Variants in SETD6 observed in about 807,000 individuals in gnomAD.
The protein encoded by SETD6 is N-lysine methyltransferase SETD6.
Under a neutral mutation model 52.7 loss-of-function variants are expected in SETD6, and 67 were observed. The observed-to-expected ratio is 1.27, with a 90% CI of 1.04 to 1.56. The LOEUF is 1.56. Ranked by LOEUF, SETD6 falls within the 40% of genes most tolerant of loss-of-function variation. SETD6 has a pLI of 0.00. For synonymous variants in SETD6, 307 were observed against 250.2 expected, an observed-to-expected ratio of 1.23 and a Z score of -2.14; for missense variants, 712 against 607.5, an observed-to-expected ratio of 1.17 and a Z score of -1.81.
rs937545760 is a variant in SETD6 at position 58,521,942 on chromosome 16, C to A, written c.*2913C>A. 2.6e-5 allele frequency among the ~76,000 whole-genome samples: 4 copies of A among 152,102 alleles called. No individual in the cohort carries two copies. Among genetic ancestry groups the A allele is most frequent in the Admixed American group, 2.6e-4 (4 of 15,288 alleles). On this transcript the variant is annotated 3_prime_UTR_variant, in exon 8 of 8. Transcript: ENST00000219315. ...CTCCAGCCTGGGAGACAGAGTGAGA[C>A]CCTGTCTCAAATAAACAGATAAATT...
chr16:58,516,640 C>G lies in SETD6; in HGVS notation c.639C>G (p.Tyr213Ter). The change falls in exon 4 of 8, where the codon TAC becomes TAG. Residue 213 changes from tyrosine (Y) to a stop codon, truncating the protein, a stop_gained. Coordinates refer to ENST00000219315, the MANE Select transcript of SETD6 (RefSeq NM_001160305.4). LOFTEE classifies it high-confidence loss of function. The stretch of plus-strand genomic sequence containing the variant: ...TCAGGGTTCGCTCCCTAGAACTCTA[C>G]CACCAGCTGGTGGCCCTTGTGATGG... ...FSLRVRSLEL[Y>*]HQLVALVMAY... 1 of 1,614,054 alleles carries G rather than the reference C, an allele frequency of 6.2e-7. No individual in the cohort carries two copies. The highest frequency in any genetic ancestry group is 2.2e-5 in the East Asian group (1 of 44,878).
Position 58,515,801 on chromosome 16 carries a change from C to G in SETD6, c.38C>G (p.Pro13Arg). ...TQAKRPRVAG[P>R]VDGGDLDPVA... ...GCGCACTTATCTCAGGTGGCGGGGC[C>G]CGTGGACGGCGGCGACCTGGATCCT... Residue 13 changes from proline to arginine, a missense_variant, in exon 2 of 8, where the codon CCC (proline) becomes CGC (arginine). Pro to Arg is a moderately radical substitution (Grantham distance 103). Transcript: ENST00000219315. 6.6e-7 allele frequency: 1 copy of G among 1,515,886 alleles called. No homozygotes were observed. The highest frequency in any genetic ancestry group is 1.3e-5 in the South Asian group (1 of 78,646). The allele number at this position is 1,515,886 out of a possible 1,614,324, so 93.9% of individuals were successfully genotyped here.
At position 58,516,908 on chromosome 16, in the gene SETD6, G is replaced by A; in HGVS notation, c.772G>A (p.Ala258Thr). The A allele has an allele frequency of 1.2e-6, 2 of 1,614,166 alleles. No homozygotes were observed. The highest frequency in any genetic ancestry group is 8.5e-7 in the Non-Finnish European group (1 of 1,180,028). ...DILNHLANHNANLEYSANCLR... is the reference protein window; with the variant it reads ...DILNHLANHNTNLEYSANCLR... Reference sequence around the variant, plus strand: ...ACTAAACCACTTAGCCAATCACAACGCCAATCTAGAATACTCTGCGGTGAG... The same window carrying A: ...ACTAAACCACTTAGCCAATCACAACACCAATCTAGAATACTCTGCGGTGAG... Residue 258 changes from alanine (A) to threonine (T), a missense_variant, in exon 5 of 8, where the codon GCC (alanine) becomes ACC (threonine). Transcript: ENST00000219315.
Position 58,523,622 on chromosome 16 carries a change from G to T in SETD6, c.*4593G>T. 1.1e-6 allele frequency: 1 copy of T among 880,948 alleles called. No homozygotes were observed. The highest frequency in any genetic ancestry group is 1.7e-6 in the Non-Finnish European group (1 of 586,800). 54.6% of individuals were successfully genotyped at this position (880,948 alleles called of 1,614,324 possible). A position where few individuals can be genotyped will look rare whatever the true frequency, so the allele number is the denominator to read the frequency against. ...CTTTCAAATTAATCTTTGGTTTAAA[G>T]CAGTGGTTCTTGGGACCCCAAAGAG... On this transcript the variant is annotated 3_prime_UTR_variant, in exon 8 of 8. Transcript: ENST00000219315.
Position 58,518,807 on chromosome 16 carries a change from G to C in SETD6, c.1200G>C (p.Leu400=). The C allele has an allele frequency of 2.5e-6, 4 of 1,614,182 alleles. No individual in the cohort carries two copies. The highest frequency in any genetic ancestry group is 3.4e-6 in the Non-Finnish European group (4 of 1,180,036). Residue 400 remains leucine (L), a synonymous_variant, in exon 8 of 8, where the codon CTG becomes CTC. Coordinates refer to ENST00000219315, the MANE Select transcript of SETD6 (RefSeq NM_001160305.4). Reference sequence around the variant, plus strand: ...ATGATAAAAGGGAAGAGGGCAGCCTGACGATCACAAATATTCCCAAGCTCA... The same window carrying C: ...ATGATAAAAGGGAAGAGGGCAGCCTCACGATCACAAATATTCCCAAGCTCA... ...GGDDKREEGS[L]TITNIPKLKA...
rs919104192 is a variant in SETD6 at position 58,522,394 on chromosome 16, A to G, written c.*3365A>G. 1.3e-5 allele frequency among the ~76,000 whole-genome samples: 2 copies of G among 152,222 alleles called. No homozygotes were observed. Among genetic ancestry groups the G allele is most frequent in the African/African-American group, 4.8e-5 (2 of 41,450 alleles). ...CATAACAAAGATTACAAGTCCAAGG[A>G]GACTTACTGCAGCTTTATATAAACA... On this transcript the variant is annotated 3_prime_UTR_variant, in exon 8 of 8. Transcript: ENST00000219315.
At chr16:58,516,151 GGCCCGGCCC>G in intron 2 of SETD6, 42 bp from the exon 3 acceptor site, 1 of 1,312,414 alleles carries the variant, frequency 7.6e-7, no homozygotes, top group Non-Finnish European at 9.7e-7. Flanking sequence ...GGGCGGGGCG[GGCCCGGCCC>G]GCGAGGCCGC....
Position 58,521,317 on chromosome 16 carries a change from T to G in SETD6, c.*2288T>G. The G allele has an allele frequency of 6.3e-7, 1 of 1,597,782 alleles. No homozygotes were observed. The highest frequency in any genetic ancestry group is 8.5e-7 in the Non-Finnish European group (1 of 1,175,962). On this transcript the variant is annotated 3_prime_UTR_variant, in exon 8 of 8. Transcript: ENST00000219315. The stretch of plus-strand genomic sequence containing the variant: ...TTACAATCAACCGTTCCAAGAGAAC[T>G]CTGGAAAAAGGGAGAAAGAGCTAGT...
rs1354462864 is a variant in SETD6 at position 58,522,012 on chromosome 16, T to C, written c.*2983T>C. On this transcript the variant is annotated 3_prime_UTR_variant, in exon 8 of 8. Coordinates refer to ENST00000219315, the MANE Select transcript of SETD6 (RefSeq NM_001160305.4). ...CTCTCAATAAAAAGGAAACAGAAAA[T>C]AAGAATTAAGTATTCTAACACTGCA... Among the ~76,000 whole-genome samples, 1 of 150,272 alleles carries C rather than the reference T, an allele frequency of 6.7e-6. No individual in the cohort carries two copies. The highest frequency in any genetic ancestry group is 1.5e-5 in the Non-Finnish European group (1 of 67,618).
chr16:58,516,486 A>T lies in SETD6; in HGVS notation c.485A>T (p.Glu162Val). 6.2e-7 allele frequency: 1 copy of T among 1,613,942 alleles called. No individual in the cohort carries two copies. The highest frequency in any genetic ancestry group is 8.5e-7 in the Non-Finnish European group (1 of 1,179,928). ...RLEHPMFWPE[E>V]ERRCLLQGTG... ...TGTGGGTGTCCCTGCAGGCCAGAGG[A>T]GGAGCGCCGGTGCCTGCTCCAGGGC... is the stretch of plus-strand genomic sequence containing the variant. The change falls in exon 4 of 8, where the codon GAG becomes GTG. Residue 162 changes from glutamate (E) to valine (V), a missense_variant. Coordinates refer to ENST00000219315, the MANE Select transcript of SETD6 (RefSeq NM_001160305.4).
rs1465465596 is a variant in SETD6, at chr16:58,520,397, A to AACTC, written c.*1370_*1373dup. The AACTC allele has an allele frequency of 1.3e-5, 2 of 154,234 alleles. No homozygotes were observed. The highest frequency in any genetic ancestry group is 2.9e-5 in the Non-Finnish European group (2 of 69,304). The allele number at this position is 154,234 out of a possible 1,614,324, so 9.6% of individuals were successfully genotyped here. Reference sequence around the variant, plus strand: ...TACGTTTGGGTAGAGACAAAATGGAAACTCATGGGATTCCAATAGTGAGCC... The same window carrying AACTC: ...TACGTTTGGGTAGAGACAAAATGGAAACTCACTCATGGGATTCCAATAGTGAGCC... On this transcript the variant is annotated 3_prime_UTR_variant, in exon 8 of 8. Transcript: ENST00000219315.
rs531847215 is a variant in SETD6 at position 58,520,169 on chromosome 16, C to CAATT, written c.*1148_*1151dup. On this transcript the variant is annotated 3_prime_UTR_variant, in exon 8 of 8. Transcript: ENST00000219315. Reference sequence around the variant, plus strand: ...CATTCAGTGGGGTAATGGGGGAGAACAATTAATTAATGAGATTTGGTTCCC... The same window carrying CAATT: ...CATTCAGTGGGGTAATGGGGGAGAACAATTAATTAATTAATGAGATTTGGTTCCC... 1.3e-5 allele frequency: 2 copies of CAATT among 151,638 alleles called. No individual in the cohort carries two copies. The highest frequency in any genetic ancestry group is 1.9e-4 in the East Asian group (1 of 5,168). The allele number at this position is 151,638 out of a possible 1,614,324, so 9.4% of individuals were successfully genotyped here.
In SETD6 at chr16:58,520,563, G is replaced by A; in HGVS notation, c.*1534G>A. 5.2e-6 allele frequency: 1 copy of A among 191,114 alleles called. No homozygotes were observed. Among genetic ancestry groups the A allele is most frequent in the Non-Finnish European group, 1.1e-5 (1 of 91,006 alleles). 11.8% of individuals were successfully genotyped at this position (191,114 alleles called of 1,614,324 possible). A position where few individuals can be genotyped will look rare whatever the true frequency, so the allele number is the denominator to read the frequency against. ...CTTTTTGCTATTCTTTGGGACACCA[G>A]GAATGTCAGAAGACATGGAGCTATG... On this transcript the variant is annotated 3_prime_UTR_variant, in exon 8 of 8. Coordinates refer to ENST00000219315, the MANE Select transcript of SETD6 (RefSeq NM_001160305.4).
intron 7 of SETD6, 71 bp from the exon 8 acceptor site, chr16:58,518,653 T>G: frequency 6.3e-7 from 1 of 1,588,236 alleles, no homozygotes; most frequent in East Asian, 2.2e-5. Flanking sequence ...TAAGATGAGT[T>G]TAGTCTCCTG....
chr16:58,523,023 A>G lies in SETD6; in HGVS notation c.*3994A>G, dbSNP rs971796587. 2 of 158,782 alleles carry G rather than the reference A, an allele frequency of 1.3e-5. No individual in the cohort carries two copies. 9.8% of individuals were successfully genotyped at this position (158,782 alleles called of 1,614,324 possible). A position where few individuals can be genotyped will look rare whatever the true frequency, so the allele number is the denominator to read the frequency against. On this transcript the variant is annotated 3_prime_UTR_variant, in exon 8 of 8. Coordinates refer to ENST00000219315, the MANE Select transcript of SETD6 (RefSeq NM_001160305.4). ...CACTTTGGGAGGCTGAGGCGGGTGG[A>G]TCACTTGAGGTCAGGAGTTCAAGAT...
chr16:58,521,349 A>G lies in SETD6; in HGVS notation c.*2320A>G, dbSNP rs2039359589. The G allele has an allele frequency of 1.3e-6, 2 of 1,569,810 alleles. No homozygotes were observed. Among genetic ancestry groups the G allele is most frequent in the African/African-American group, 2.8e-5 (2 of 72,450 alleles). ...AAAGGGAGAAAGAGCTAGTTAATGT[A>G]TAGAAGCATACAAATTCATGATTAT... On this transcript the variant is annotated 3_prime_UTR_variant, in exon 8 of 8. Transcript: ENST00000219315.
chr16:58,518,210 G>C lies in SETD6; in HGVS notation c.952G>C (p.Val318Leu), dbSNP rs1358294548. The C allele has an allele frequency of 6.2e-7, 1 of 1,614,234 alleles. No homozygotes were observed. Reference protein sequence around the residue: ...DDTADIQMVTVREAALQGTKT... With the variant: ...DDTADIQMVTLREAALQGTKT... Reference sequence around the variant, plus strand: ...CACAGCTGACATTCAGATGGTGACAGTTCGTGAGGCAGCATTACAGGGTGA... The same window carrying C: ...CACAGCTGACATTCAGATGGTGACACTTCGTGAGGCAGCATTACAGGGTGA... The change falls in exon 6 of 8, where the codon GTT becomes CTT. Residue 318 changes from valine to leucine, a missense_variant. Val to Leu is a conservative substitution (Grantham distance 32). Transcript: ENST00000219315.
At chr16:58,517,742 C>T (rs1473757740) in intron 5 of SETD6, 3 of 387,366 alleles carry the variant, frequency 7.7e-6, no homozygotes, top group Non-Finnish European at 1.5e-5. Context: ...TCCCTAAGTG[C>T]TGGGATTACA....
rs932770448 is a variant in SETD6, at chr16:58,521,900, G to T, written c.*2871G>T. ...CAGTAGGTGGAGGTTGTGGTGAGCCGAGATGGTGCCACTGCACTCCAGCCT... is the reference window on the plus strand; with the variant it reads ...CAGTAGGTGGAGGTTGTGGTGAGCCTAGATGGTGCCACTGCACTCCAGCCT... On this transcript the variant is annotated 3_prime_UTR_variant, in exon 8 of 8. Coordinates refer to ENST00000219315, the MANE Select transcript of SETD6 (RefSeq NM_001160305.4). Among the ~76,000 whole-genome samples the T allele has an allele frequency of 6.6e-6, 1 of 152,116 alleles. No individual in the cohort carries two copies. Among genetic ancestry groups the T allele is most frequent in the Non-Finnish European group, 1.5e-5 (1 of 68,016 alleles).
Sources: allele counts gnomAD v4.1 joint callset (sites outside exome capture counted in the v4.1 genomes callset), GRCh38; gene constraint gnomAD v4.1.1; transcripts MANE v1.5; gene names NCBI Gene and HGNC (gene_info 2026-07-23, HGNC 2026-07-21).